The following KIF5C variants were observed in gnomAD, a reference collection of about 807,000 sequenced individuals.
The protein encoded by KIF5C is kinesin family member 5C.
Under a neutral mutation model 125.2 loss-of-function variants are expected in KIF5C, and 18 were observed. That is an observed-to-expected ratio of 0.14 (90% confidence interval 0.10 to 0.21). The LOEUF is 0.21. Ranked by LOEUF, KIF5C falls within the 10% of genes least tolerant of loss-of-function variation. The probability of loss-of-function intolerance (pLI) is 1.00; values close to 1 mark genes in which losing one functional copy is unlikely to be tolerated. For synonymous variants in KIF5C, 405 were observed against 434.0 expected, an observed-to-expected ratio of 0.93 and a Z score of 0.83; for missense variants, 780 against 1,183.8, an observed-to-expected ratio of 0.66 and a Z score of 5.01.
rs1305074317 is a variant in KIF5C at position 148,875,424 on chromosome 2, C to A, written c.-194C>A. On this transcript the variant is annotated 5_prime_UTR_variant, in exon 1 of 26. In the 5' UTR this introduces an upstream ATG that the reference lacks. Transcript: ENST00000435030. ...AGCCGGAGGGGCCGGAGCGGAGAAG[C>A]TGCCCACCTTCCCGGGCTCGGAGCG... is the stretch of plus-strand genomic sequence containing the variant. 4 of 550,314 alleles carry A rather than the reference C, an allele frequency of 7.3e-6. No individual in the cohort carries two copies. Among genetic ancestry groups the A allele is most frequent in the Admixed American group, 3.5e-5 (1 of 28,364 alleles). The allele number at this position is 550,314 out of a possible 1,614,324, so 34.1% of individuals were successfully genotyped here. A position where few individuals can be genotyped will look rare whatever the true frequency, so the allele number is the denominator to read the frequency against.
chr2:148,998,798 G>T, intron 19 of KIF5C: 2 of 190,422 alleles, frequency 1.1e-5, no homozygotes, highest in Non-Finnish European at 1.0e-5. Context: ...GCATGCCCCA[G>T]TAGATGGGGG....
chr2:148,931,099 GT>G (rs969002316), intron 3 of KIF5C, among the ~76,000 whole-genome samples: 3 of 152,032 alleles, frequency 2.0e-5, no homozygotes, highest in Non-Finnish European at 2.9e-5. Flanking sequence ...CAGTCTAGAG[GT>G]TTTTTTGTTT....
Position 149,000,791 on chromosome 2 carries a change from A to C in KIF5C, c.2373+9A>C. On this transcript the variant is annotated intron_variant, in intron 21 of 25. Transcript: ENST00000435030. ...GGCTGGAGGAGACAGTGGTATGTCAAGATATTTCCCGATTTATGTTTGTCT... is the reference window on the plus strand; with the variant it reads ...GGCTGGAGGAGACAGTGGTATGTCACGATATTTCCCGATTTATGTTTGTCT... 1 of 1,612,740 alleles carries C rather than the reference A, an allele frequency of 6.2e-7. No individual in the cohort carries two copies. The highest frequency in any genetic ancestry group is 8.5e-7 in the Non-Finnish European group (1 of 1,179,538).
intron 1 of KIF5C, among the ~76,000 whole-genome samples, chr2:148,892,127 G>A (rs1426161922): frequency 6.6e-6 from 1 of 152,182 alleles, no homozygotes; most frequent in Admixed American, 6.5e-5. Flanking sequence ...AGTAAGTTGT[G>A]GATCCAGCAT....
rs150330416 is a variant in KIF5C, at chr2:148,941,732, C to G, written c.445+74C>G. ...GGGGAGGTTGAAATGGTTTATCACA[C>G]TTCTGCTTAAGGAATTAATGAAAAT... On this transcript the variant is annotated intron_variant, in intron 5 of 25. Transcript: ENST00000435030. 9.7e-5 allele frequency: 148 copies of G among 1,520,648 alleles called. No individual in the cohort carries two copies. In the African/African-American group the frequency reaches 1.2e-3, roughly 13 times the overall value. The allele number at this position is 1,520,648 out of a possible 1,614,324, so 94.2% of individuals were successfully genotyped here.
At chr2:148,969,649 C>T (rs537433870) in intron 11 of KIF5C, among the ~76,000 whole-genome samples, 8 of 152,184 alleles carry the variant, frequency 5.3e-5, no homozygotes, top group South Asian at 2.1e-4. Context: ...GAGTTCAGGG[C>T]GTTATTTCTC....
chr2:149,015,885 G>T (rs898200081), intron 25 of KIF5C, among the ~76,000 whole-genome samples: 9 of 152,218 alleles, frequency 5.9e-5, no homozygotes, highest in Admixed American at 2.0e-4. Context: ...CTTGTCCAGT[G>T]ATATGCTTGT....
At chr2:148,965,190 A>G (rs1310905854) in intron 11 of KIF5C, among the ~76,000 whole-genome samples, 3 of 152,118 alleles carry the variant, frequency 2.0e-5, no homozygotes, top group Non-Finnish European at 2.9e-5. Context: ...CCAGGGGAAC[A>G]TTATTCAGAT....
chr2:149,003,908 G>A (rs1030426369), intron 21 of KIF5C, among the ~76,000 whole-genome samples: 1 of 152,198 alleles, frequency 6.6e-6, no homozygotes, highest in Non-Finnish European at 1.5e-5. Context: ...GGTTCAATCA[G>A]TAATGAAACC....
chr2:148,936,153 G>A (rs569814758), intron 3 of KIF5C, among the ~76,000 whole-genome samples: 3 of 152,260 alleles, frequency 2.0e-5, no homozygotes, highest in South Asian at 2.1e-4. Context: ...AGCCAGCTGC[G>A]GTGGTGCACA....
At chr2:148,886,015 G>A (rs924723873) in intron 1 of KIF5C, 2 of 152,110 alleles carry the variant, frequency 1.3e-5, no homozygotes, top group Non-Finnish European at 2.9e-5. Flanking sequence ...CAACCTGTCT[G>A]GCACCTCACT....
At chr2:148,935,135 G>A in intron 3 of KIF5C, 1 of 343,212 alleles carries the variant, frequency 2.9e-6, no homozygotes, top group Non-Finnish European at 5.8e-6. Context: ...ATTTTAGGGT[G>A]AGGACTTCAG....
Position 148,973,470 on chromosome 2 carries a change from G to T in KIF5C, c.1252G>T (p.Asp418Tyr), listed in dbSNP as rs770969075. ...GISTEEKEKY[D>Y]EEISSLYRQL... ...CTCTACAGAGGAGAAAGAGAAGTAC[G>T]ATGAGGAGATCTCCAGTCTCTACAG... Residue 418 changes from aspartate to tyrosine, a missense_variant, in exon 12 of 26, where the codon GAT becomes TAT. This residue lies in a region of KIF5C where 573 missense variants were observed against 742.6 expected (regional missense o/e 0.77). Transcript: ENST00000435030. 4.3e-6 allele frequency: 7 copies of T among 1,613,106 alleles called. No homozygotes were observed. The East Asian group carries it at 6.7e-5, about 15-fold the overall frequency.
At chr2:148,928,482 T>C (rs1682088849) in intron 2 of KIF5C, among the ~76,000 whole-genome samples, 1 of 152,190 alleles carries the variant, frequency 6.6e-6, no homozygotes, top group African/African-American at 2.4e-5. Flanking sequence ...CTCTGCTGCT[T>C]TGAAAGAATT....
intron 17 of KIF5C, 50 bp downstream of exon 17, chr2:148,994,588 C>T (rs1338777195): frequency 2.0e-6 from 3 of 1,537,434 alleles, no homozygotes; most frequent in Admixed American, 2.0e-5. Flanking sequence ...CTGAGTCAGA[C>T]AGCCTCTGGT....
intron 4 of KIF5C, among the ~76,000 whole-genome samples, chr2:148,938,609 C>G (rs985611422): frequency 5.3e-5 from 8 of 152,150 alleles, no homozygotes; most frequent in African/African-American, 1.9e-4. Flanking sequence ...TAGGTGCCCC[C>G]CTTGCCCGAT....
intron 21 of KIF5C, among the ~76,000 whole-genome samples, chr2:149,001,245 T>G (rs1285176781): frequency 6.6e-6 from 1 of 152,198 alleles, no homozygotes; most frequent in Non-Finnish European, 1.5e-5. Context: ...TGCTATAGAA[T>G]GTGCATAGGT....
intron 1 of KIF5C, among the ~76,000 whole-genome samples, chr2:148,893,902 C>T (rs570470071): frequency 2.2e-4 from 33 of 152,314 alleles, no homozygotes; most frequent in African/African-American, 7.7e-4. Context: ...CGTCTTTGGA[C>T]CAAACTGCAA....
chr2:148,888,590 ATC>A (rs2105043749), intron 1 of KIF5C: 1 of 151,640 alleles, frequency 6.6e-6, no homozygotes, highest in Non-Finnish European at 1.5e-5. Flanking sequence ...GTGCTGAAAA[ATC>A]TCTCTTCCCA....
Sources: allele counts gnomAD v4.1 joint callset (sites outside exome capture counted in the v4.1 genomes callset), GRCh38; gene constraint gnomAD v4.1.1; regional missense constraint gnomAD v4.1.1; transcripts MANE v1.5; gene names NCBI Gene and HGNC (gene_info 2026-07-23, HGNC 2026-07-21).